Variants in OR1C1 observed in about 807,000 individuals in gnomAD.
OR1C1 encodes the protein olfactory receptor family 1 subfamily C member 1.
For synonymous variants in OR1C1, 153 were observed against 154.6 expected (o/e 0.99, Z 0.08); for missense variants, 407 against 384.3 (o/e 1.06, Z -0.49).
chr1:247,759,338 T>C (rs1207185404), intron 1 of OR1C1, among the ~76,000 whole-genome samples: 1 of 151,872 alleles, frequency 6.6e-6, no homozygotes, highest in Non-Finnish European at 1.5e-5. Flanking sequence ...CCAGGTGCTG[T>C]GCACAATTTA....
In OR1C1 at chr1:247,755,193, C is replaced by G. The variant is rs1264093522; in HGVS notation, c.*2269G>C. 1 of 152,016 alleles carries G rather than the reference C, an allele frequency of 6.6e-6. No homozygotes were observed. Among genetic ancestry groups the G allele is most frequent in the Non-Finnish European group, 1.5e-5 (1 of 67,986 alleles). 9.4% of individuals were successfully genotyped at this position (152,016 alleles called of 1,614,324 possible). On this transcript the variant is annotated 3_prime_UTR_variant, in exon 2 of 2. Transcript: ENST00000641256. ...ATATATTAAACACATAAACAGAAGACCAGAAACTATAAAACTAATAGAAGA... is the reference window on the plus strand; with the variant it reads ...ATATATTAAACACATAAACAGAAGAGCAGAAACTATAAAACTAATAGAAGA...
chr1:247,758,449 G>T (rs778005410), intron 1 of OR1C1, 30 bp from the exon 2 acceptor site: 3 of 1,182,798 alleles, frequency 2.5e-6, no homozygotes, highest in South Asian at 2.8e-5. Flanking sequence ...AATTGTAAAA[G>T]CCAGCAGTGT....
chr1:247,758,475 TGAGA>T, intron 1 of OR1C1, 56 bp from the exon 2 acceptor site: 2 of 835,284 alleles, frequency 2.4e-6, no homozygotes, highest in African/African-American at 1.8e-5. Flanking sequence ...CTCTTATTCA[TGAGA>T]GAGAGACAGT....
Position 247,758,133 on chromosome 1 carries a change from T to C in OR1C1, c.274A>G (p.Ile92Val). The C allele has an allele frequency of 1.2e-6, 2 of 1,614,028 alleles. No individual in the cohort carries two copies. Among genetic ancestry groups the C allele is most frequent in the Non-Finnish European group, 1.7e-6 (2 of 1,179,992 alleles). The change falls in exon 2 of 2, where the codon ATC becomes GTC. Residue 92 changes from isoleucine (I) to valine (V), a missense_variant. Ile to Val is a conservative substitution (Grantham distance 29). Transcript: ENST00000641256. ...TGGGTGAGGCAGCCTGCAAAAGAGA[T>C]AGTCTTGGTGCCAGTCAAGATATTC... is the stretch of plus-strand genomic sequence containing the variant. ...VVNILTGTKT[I>V]SFAGCLTQLF... is the part of the protein sequence containing the mutation.
intron 1 of OR1C1, among the ~76,000 whole-genome samples, chr1:247,759,481 A>G (rs142178312): frequency 2.0e-4 from 31 of 152,314 alleles, no homozygotes; most frequent in African/African-American, 6.7e-4. Context: ...TATGGCTATC[A>G]AGTAAAGGAC....
rs1473366528 is a variant in OR1C1, at chr1:247,758,515, T to TGC, written c.-13-97_-13-96insGC. The TGC allele has an allele frequency of 3.0e-5, 20 of 670,860 alleles. No homozygotes were observed. The East Asian group carries it at 4.1e-4, about 14-fold the overall frequency. 41.6% of individuals were successfully genotyped at this position (670,860 alleles called of 1,614,324 possible). A position where few individuals can be genotyped will look rare whatever the true frequency, so the allele number is the denominator to read the frequency against. On this transcript the variant is annotated intron_variant, in intron 1 of 1. Transcript: ENST00000641256. ...GTGTGTGTGTGTGTGTGTGTGTGTGTGTGCATGCGTGCGCAGGTAAGTAGC... is the reference window on the plus strand; with the variant it reads ...GTGTGTGTGTGTGTGTGTGTGTGTGTGCGTGCATGCGTGCGCAGGTAAGTAGC...
chr1:247,757,939 G>A lies in OR1C1; in HGVS notation c.468C>T (p.Ala156=), dbSNP rs774425079. Residue 156 remains alanine, a synonymous_variant, in exon 2 of 2, where the codon GCC becomes GCT. Transcript: ENST00000641256. ...AGLWLVTYLH[A]LLHTVLIAQL... The stretch of plus-strand genomic sequence containing the variant: ...GTGCTATTAGGACAGTATGCAGGAG[G>A]GCGTGGAGGTAAGTAACAAGCCACA... The A allele has an allele frequency of 6.2e-7, 1 of 1,614,078 alleles. No homozygotes were observed. The highest frequency in any genetic ancestry group is 1.1e-5 in the South Asian group (1 of 91,072).
chr1:247,760,214 A>G (rs900338008), intron 1 of OR1C1, among the ~76,000 whole-genome samples, 198 bp downstream of exon 1: 1 of 152,186 alleles, frequency 6.6e-6, no homozygotes, highest in African/African-American at 2.4e-5. Flanking sequence ...GTTTTGCAAG[A>G]TATCTTTTAA....
intron 1 of OR1C1, chr1:247,758,785 A>G (rs1476172368): frequency 5.8e-6 from 1 of 172,144 alleles, no homozygotes; most frequent in Non-Finnish European, 1.3e-5. Context: ...TTTTTTTAGT[A>G]GTCAAGCTAT....
In OR1C1 at chr1:247,757,916, G is replaced by A. The variant is rs867751906; in HGVS notation, c.491C>T (p.Ala164Val). Reference protein sequence around the residue: ...LHALLHTVLIAQLSFCASNII... With the variant: ...LHALLHTVLIVQLSFCASNII... ...ATTGGAGGCACAGAAGGACAGCTGT[G>A]CTATTAGGACAGTATGCAGGAGGGC... The change falls in exon 2 of 2, where the codon GCA becomes GTA. Residue 164 changes from alanine (A) to valine (V), a missense_variant. Transcript: ENST00000641256. 6.2e-7 allele frequency: 1 copy of A among 1,614,040 alleles called. No homozygotes were observed. The highest frequency in any genetic ancestry group is 1.7e-4 in the Middle Eastern group (1 of 6,060).
rs772541558 is a variant in OR1C1, at chr1:247,756,557, C to T, written c.*905G>A. 3.3e-5 allele frequency: 5 copies of T among 151,814 alleles called. No homozygotes were observed. The highest frequency in any genetic ancestry group is 6.6e-5 in the Admixed American group (1 of 15,234). The allele number at this position is 151,814 out of a possible 1,614,324, so 9.4% of individuals were successfully genotyped here. A position where few individuals can be genotyped will look rare whatever the true frequency, so the allele number is the denominator to read the frequency against. ...CAGATGTAAAATTGTAGAAAGGAACCGGAATAGGTTGAATAAACAATTAGA... is the reference window on the plus strand; with the variant it reads ...CAGATGTAAAATTGTAGAAAGGAACTGGAATAGGTTGAATAAACAATTAGA... On this transcript the variant is annotated 3_prime_UTR_variant, in exon 2 of 2. Transcript: ENST00000641256. The surrounding 1 kb of genome is among the most constrained non-coding windows in gnomAD (Gnocchi z 4.3).
In OR1C1 at chr1:247,758,389, T is replaced by TA; in HGVS notation, c.17dup (p.Thr7AsnfsTer13). ...GAAGGACGAATTCCCTGACAACTGT[T>TA]AGATTTCTTTTTTCCATATTCCCAA... is the stretch of plus-strand genomic sequence containing the variant. On this transcript the variant is annotated frameshift_variant, in exon 2 of 2. Transcript: ENST00000641256. LOFTEE classifies it low-confidence loss of function (END_TRUNC). 4 of 1,604,586 alleles carry TA rather than the reference T, an allele frequency of 2.5e-6. No homozygotes were observed. Among genetic ancestry groups the TA allele is most frequent in the Non-Finnish European group, 3.4e-6 (4 of 1,174,498 alleles).
At position 247,757,880 on chromosome 1, in the gene OR1C1, TG is replaced by T. The variant is rs757756376; in HGVS notation, c.526del (p.His176IlefsTer21). ...LSFCASNIIHHFFCDLNPLLQ... is the reference protein window; with the variant it reads ...LSFCASNIIHXFFCDLNPLLQ... ...GAGAGGATTGAGATCACAGAAGAAA[TG>T]ATGGATGATATTGGAGGCACAGAAG... On this transcript the variant is annotated frameshift_variant, in exon 2 of 2. Coordinates refer to ENST00000641256, the MANE Select transcript of OR1C1 (RefSeq NM_012353.3). LOFTEE classifies it low-confidence loss of function (END_TRUNC). The T allele has an allele frequency of 2.5e-6, 4 of 1,613,796 alleles. No homozygotes were observed. In the South Asian group the frequency reaches 4.4e-5, roughly 18 times the overall value.
intron 1 of OR1C1, among the ~76,000 whole-genome samples, chr1:247,758,980 C>A (rs1343626171): frequency 6.6e-6 from 1 of 151,052 alleles, no homozygotes; most frequent in East Asian, 2.1e-4. Context: ...CTCTGCTCAT[C>A]ATTTGGTGGA....
chr1:247,758,033 G>T lies in OR1C1; in HGVS notation c.374C>A (p.Ala125Glu). ...GGTGTAATGTAAGGGGTGGCAAATC[G>T]CCACATATCTATCATACGCCATCAC... ...LCVMAYDRYV[A>E]ICHPLHYTAR... Residue 125 changes from alanine (A) to glutamate (E), a missense_variant, in exon 2 of 2, where the codon GCG becomes GAG. Coordinates refer to ENST00000641256, the MANE Select transcript of OR1C1 (RefSeq NM_012353.3). The T allele has an allele frequency of 1.2e-6, 2 of 1,614,056 alleles. No homozygotes were observed. The highest frequency in any genetic ancestry group is 1.7e-6 in the Non-Finnish European group (2 of 1,180,000).
At chr1:247,759,199 T>C (rs368138164) in intron 1 of OR1C1, among the ~76,000 whole-genome samples, 16 of 152,230 alleles carry the variant, frequency 1.1e-4, no homozygotes, top group African/African-American at 3.9e-4. Flanking sequence ...ATCCAATTTA[T>C]ACCTTCTTTT....
chr1:247,758,245 G>C lies in OR1C1; in HGVS notation c.162C>G (p.His54Gln). ...LIIATIGFDS[H>Q]LHSPMYFFLS... ...GGAAGAAGTACATAGGGGAATGGAG[G>C]TGAGAGTCAAAGCCAATCGTCGCAA... is the stretch of plus-strand genomic sequence containing the variant. The change falls in exon 2 of 2, where the codon CAC becomes CAG. Residue 54 changes from histidine to glutamine, a missense_variant. By Grantham distance (24) the His-to-Gln change is conservative. Transcript: ENST00000641256. The C allele has an allele frequency of 6.2e-7, 1 of 1,614,066 alleles. No homozygotes were observed. The highest frequency in any genetic ancestry group is 8.5e-7 in the Non-Finnish European group (1 of 1,180,002).
intron 1 of OR1C1, 40 bp from the exon 2 acceptor site, chr1:247,758,459 T>G (rs1212125064): frequency 9.8e-7 from 1 of 1,018,932 alleles, no homozygotes; most frequent in East Asian, 2.6e-5. Context: ...GCCAGCAGTG[T>G]TAAGTCTCTT....
chr1:247,758,517 T>TGC (rs1553326543), intron 1 of OR1C1, 98 bp from the exon 2 acceptor site: 42 of 662,872 alleles, frequency 6.3e-5, no homozygotes, highest in African/African-American at 2.7e-4. Context: ...TGTGTGTGTG[T>TGC]GCATGCGTGC....
Sources: gnomAD v4.1 joint callset for allele counts (sites outside exome capture counted in the v4.1 genomes callset) on GRCh38, gnomAD v4.1.1 for gene constraint, Gnocchi (gnomAD v3.1) non-coding constraint, MANE v1.5 for transcripts, NCBI Gene and HGNC (gene_info 2026-07-23, HGNC 2026-07-21) for gene names.